FAM91A1: variants seen among roughly 807,000 people sequenced by gnomAD.
FAM91A1 encodes protein FAM91A1.
A neutral mutation model predicts 113.5 loss-of-function variants in FAM91A1; 41 were observed. The ratio of observed to expected loss-of-function variants is 0.36; its 90% CI spans 0.28 to 0.47. The LOEUF is 0.47. Among genes scored for constraint, FAM91A1 ranks in the 20% least tolerant of loss-of-function variants. The pLI, the probability that FAM91A1 is intolerant of heterozygous loss-of-function variation, is 1.00. For missense variants in FAM91A1, 696 were observed against 1,001.2 expected (o/e 0.70, Z 4.11); for synonymous variants, 307 against 347.9 (o/e 0.88, Z 1.31).
intron 3 of FAM91A1, among the ~76,000 whole-genome samples, chr8:123,776,030 A>G (rs1429437010): frequency 6.6e-6 from 1 of 152,236 alleles, no homozygotes; most frequent in Non-Finnish European, 1.5e-5. Flanking sequence ...TAAAGAATGA[A>G]TGATGACATA....
intron 15 of FAM91A1, among the ~76,000 whole-genome samples, chr8:123,794,075 G>A (rs938790312): frequency 3.3e-5 from 5 of 152,110 alleles, no homozygotes; most frequent in African/African-American, 9.7e-5. Context: ...TGTAGAGATC[G>A]GAAACTGGAG....
chr8:123,804,054 G>T (rs1815746818), intron 18 of FAM91A1, among the ~76,000 whole-genome samples: 1 of 152,162 alleles, frequency 6.6e-6, no homozygotes, highest in Non-Finnish European at 1.5e-5. Context: ...AAACTCAAAT[G>T]AACAATATTA....
chr8:123,807,509 A>G (rs973001270), intron 20 of FAM91A1, among the ~76,000 whole-genome samples: 9 of 151,892 alleles, frequency 5.9e-5, no homozygotes, highest in Admixed American at 2.6e-4. Context: ...AAAAGAAACA[A>G]AAAAGACAAT....
intron 18 of FAM91A1, among the ~76,000 whole-genome samples, chr8:123,800,982 A>AGG (rs1287176327): frequency 6.6e-6 from 1 of 152,184 alleles, no homozygotes; most frequent in African/African-American, 2.4e-5. Context: ...TGCTGTCATA[A>AGG]ACATTTGTGT....
intron 8 of FAM91A1, among the ~76,000 whole-genome samples, chr8:123,783,296 A>G (rs78635832): frequency 0.02 from 3,075 of 152,366 alleles, 103 homozygotes; most frequent in African/African-American, 0.069. Context: ...ATAGCCTAGC[A>G]CTTAGTAAGC....
chr8:123,771,808 C>T (rs1261904128), intron 1 of FAM91A1, among the ~76,000 whole-genome samples: 1 of 152,002 alleles, frequency 6.6e-6, no homozygotes. Flanking sequence ...TTCAGAAAAT[C>T]TTTGTGTTTT....
At chr8:123,775,702 C>T (rs1814966980) in intron 3 of FAM91A1, among the ~76,000 whole-genome samples, 1 of 152,134 alleles carries the variant, frequency 6.6e-6, no homozygotes, top group South Asian at 2.1e-4. Context: ...AGCAGTGGTT[C>T]ACGCCTGTAA....
chr8:123,769,219 T>C (rs2130022905), intron 1 of FAM91A1, among the ~76,000 whole-genome samples: 1 of 152,326 alleles, frequency 6.6e-6, no homozygotes, highest in Non-Finnish European at 1.5e-5. Flanking sequence ...GTTGGAAGGA[T>C]TTTTAAGGCA....
chr8:123,795,650 G>A (rs1010087429), intron 15 of FAM91A1, among the ~76,000 whole-genome samples: 1 of 152,126 alleles, frequency 6.6e-6, no homozygotes, highest in South Asian at 2.1e-4. Context: ...TTTCTTTATA[G>A]CAATGCAAGA....
intron 21 of FAM91A1, among the ~76,000 whole-genome samples, 167 bp downstream of exon 21, chr8:123,808,543 A>T (rs1815871363): frequency 6.6e-6 from 1 of 152,226 alleles, no homozygotes; most frequent in African/African-American, 2.4e-5. Flanking sequence ...TTCAAGTATT[A>T]TAAAATTATG....
chr8:123,814,956 T>C lies in FAM91A1; in HGVS notation c.*2252T>C, dbSNP rs1457376071. ...GTTAATTTCATTTGGCTTTTTACCA[T>C]GTTCCTTCCTTTCTTTTTCCCGCTT... is the stretch of plus-strand genomic sequence containing the variant. On this transcript the variant is annotated 3_prime_UTR_variant, in exon 24 of 24. Transcript: ENST00000334705. 2 of 152,642 alleles carry C rather than the reference T, an allele frequency of 1.3e-5. No homozygotes were observed. The highest frequency in any genetic ancestry group is 2.4e-5 in the African/African-American group (1 of 41,464). The allele number at this position is 152,642 out of a possible 1,614,324, so 9.5% of individuals were successfully genotyped here.
At chr8:123,805,399 A>T (rs781600711) in intron 19 of FAM91A1, 60 bp downstream of exon 19, 19 of 1,303,452 alleles carry the variant, frequency 1.5e-5, no homozygotes, top group Non-Finnish European at 1.9e-5. Context: ...TCATGTCAAC[A>T]GTTTGGTGGA....
chr8:123,774,388 AT>A (rs1453771915), intron 2 of FAM91A1, among the ~76,000 whole-genome samples: 1 of 152,126 alleles, frequency 6.6e-6, no homozygotes, highest in Admixed American at 6.5e-5. Context: ...TTATGGACTC[AT>A]TTTATCTATA....
In FAM91A1 at chr8:123,768,503, A is replaced by G. The variant is rs888385219; in HGVS notation, c.-200A>G. On this transcript the variant is annotated 5_prime_UTR_variant, in exon 1 of 24. Transcript: ENST00000334705. The stretch of plus-strand genomic sequence containing the variant: ...GAGCTGTTCAGGCGATCCAGCCTCC[A>G]ATCGCTGCTGCTCTTGTACTCGGTT... The G allele has an allele frequency of 6.0e-6, 3 of 496,324 alleles. No individual in the cohort carries two copies. In the Admixed American group the frequency reaches 1.2e-4, roughly 20 times the overall value. The allele number at this position is 496,324 out of a possible 1,614,324, so 30.7% of individuals were successfully genotyped here. A position where few individuals can be genotyped will look rare whatever the true frequency, so the allele number is the denominator to read the frequency against.
At chr8:123,774,432 C>T (rs1423801626) in intron 2 of FAM91A1, among the ~76,000 whole-genome samples, 2 of 151,722 alleles carry the variant, frequency 1.3e-5, no homozygotes, top group African/African-American at 4.8e-5. Context: ...CTCTTTTTGC[C>T]TGAGGTAAGA....
Position 123,806,083 on chromosome 8 carries a change from T to G in FAM91A1, c.1886T>G (p.Phe629Cys), listed in dbSNP as rs375006283. 1 of 1,588,168 alleles carries G rather than the reference T, an allele frequency of 6.3e-7. No individual in the cohort carries two copies. The highest frequency in any genetic ancestry group is 1.3e-5 in the African/African-American group (1 of 74,402). ...PFDETELQGEFTRVNMGVHKA... is the reference protein window; with the variant it reads ...PFDETELQGECTRVNMGVHKA... The stretch of plus-strand genomic sequence containing the variant: ...GTGATGTCCGTTCTGTTTGTAGAGT[T>G]CACTCGTGTCAATATGGGTGTTCAT... The change falls in exon 20 of 24, where the codon TTC becomes TGC. Residue 629 changes from phenylalanine (F) to cysteine (C), a missense_variant. By Grantham distance (205) the Phe-to-Cys change is radical. Transcript: ENST00000334705.
intron 23 of FAM91A1, chr8:123,810,656 C>T: frequency 2.5e-6 from 1 of 403,376 alleles, no homozygotes; most frequent in African/African-American, 2.1e-5. Flanking sequence ...GCGCACTTCC[C>T]AATAACTAAA....
intron 15 of FAM91A1, among the ~76,000 whole-genome samples, chr8:123,790,288 G>C (rs1815352766): frequency 1.3e-5 from 2 of 152,246 alleles, no homozygotes; most frequent in South Asian, 4.1e-4. Flanking sequence ...GGCACTCTCA[G>C]TTTTGTGATA....
rs892804157 is a variant in FAM91A1 at position 123,768,568 on chromosome 8, G to C, written c.-135G>C. ...TGAACTGTCGGGAGCCTAGGCCATG[G>C]GGCAGCCTGGGCCTTCTGCAGTGTG... On this transcript the variant is annotated 5_prime_UTR_variant, in exon 1 of 24. Coordinates refer to ENST00000334705, the MANE Select transcript of FAM91A1 (RefSeq NM_144963.4). 6 of 704,742 alleles carry C rather than the reference G, an allele frequency of 8.5e-6. No homozygotes were observed. Among genetic ancestry groups the C allele is most frequent in the Non-Finnish European group, 1.4e-5 (6 of 441,300 alleles). The allele number at this position is 704,742 out of a possible 1,614,324, so 43.7% of individuals were successfully genotyped here.
Sources: gnomAD v4.1 joint callset for allele counts (sites outside exome capture counted in the v4.1 genomes callset) on GRCh38, gnomAD v4.1.1 for gene constraint, MANE v1.5 for transcripts, NCBI Gene and HGNC (gene_info 2026-07-23, HGNC 2026-07-21) for gene names.